Variants in PTCD1 observed in about 807,000 individuals in gnomAD.
PTCD1 encodes the protein pentatricopeptide repeat domain 1.
PTCD1 carries 50 observed loss-of-function variants against 53.4 expected under a neutral mutation model. The ratio of observed to expected loss-of-function variants is 0.94; its 90% CI spans 0.75 to 1.19. The LOEUF is 1.19. Among genes scored for constraint, PTCD1 ranks in the 50% most tolerant of loss-of-function variants. The pLI is 0.00. For missense variants in PTCD1, 918 were observed against 904.8 expected (o/e 1.01, Z -0.19); for synonymous variants, 413 against 394.8 (o/e 1.05, Z -0.55).
chr7:99,433,211 T>C (rs1165405006), intron 3 of PTCD1, 67 bp downstream of exon 3: 1 of 1,613,098 alleles, frequency 6.2e-7, no homozygotes, highest in African/African-American at 1.3e-5. Context: ...CACTAGCAAG[T>C]GGCACACTTG....
chr7:99,423,699 A>AAC (rs967027655), intron 7 of PTCD1, 76 bp downstream of exon 7: 11 of 1,608,480 alleles, frequency 6.8e-6, no homozygotes, highest in Non-Finnish European at 9.3e-6. Context: ...CAAGGGCCAG[A>AAC]ACCGGGGTTG....
rs766786857 is a variant in PTCD1 at position 99,433,291 on chromosome 7, T to A, written c.581A>T (p.Asn194Ile). The A allele has an allele frequency of 1.2e-5, 19 of 1,613,820 alleles. No individual in the cohort carries two copies. The highest frequency in any genetic ancestry group is 1.3e-5 in the African/African-American group (1 of 74,802). The change falls in exon 3 of 8, where the codon AAC becomes ATC. Residue 194 changes from asparagine (N) to isoleucine (I), a missense_variant. Coordinates refer to ENST00000292478, the MANE Select transcript of PTCD1 (RefSeq NM_015545.4). ...GCCCACATGCACCTGGTTGTAGAGG[T>A]TGAAGGCCTTCTTCAGGTAGCCAAC... is the stretch of plus-strand genomic sequence containing the variant. ...GRVGYLKKAF[N>I]LYNQMKKRDL...
chr7:99,427,468 C>T (rs1454962660), intron 5 of PTCD1, among the ~76,000 whole-genome samples: 6 of 146,186 alleles, frequency 4.1e-5, no homozygotes, highest in African/African-American at 5.1e-5. Flanking sequence ...CCGCCCCGTC[C>T]GGGAGGGAGG....
intron 1 of PTCD1, chr7:99,438,428 G>C: frequency 1.2e-6 from 1 of 814,484 alleles, no homozygotes; most frequent in Non-Finnish European, 1.5e-6. Flanking sequence ...TCGTACCCCT[G>C]TACTCCAGCC....
In PTCD1 at chr7:99,433,318, C is replaced by T. The variant is rs150185353; in HGVS notation, c.554G>A (p.Arg185Gln). 56 of 1,614,060 alleles carry T rather than the reference C, an allele frequency of 3.5e-5. No homozygotes were observed. In the South Asian group the frequency reaches 4.7e-4, roughly 14 times the overall value. Residue 185 changes from arginine (R) to glutamine (Q), a missense_variant, in exon 3 of 8, where the codon CGG (arginine) becomes CAG (glutamine). Transcript: ENST00000292478. The part of the protein sequence containing the change: ...NYTVLIGGCG[R>Q]VGYLKKAFNL... ...GAAGGCCTTCTTCAGGTAGCCAACC[C>T]GCCCGCAGCCCCCAATCAGCACCGT...
At chr7:99,421,302 C>G (rs1344382434) in intron 7 of PTCD1, among the ~76,000 whole-genome samples, 1 of 151,924 alleles carries the variant, frequency 6.6e-6, no homozygotes, top group Non-Finnish European at 1.5e-5. Flanking sequence ...GTGGTACATG[C>G]CTGTAGTCCC....
chr7:99,430,604 G>A (rs1006306030), intron 3 of PTCD1, among the ~76,000 whole-genome samples: 3 of 152,232 alleles, frequency 2.0e-5, no homozygotes, highest in African/African-American at 7.2e-5. Context: ...AGCAAAGAGG[G>A]CAGTCCCTAC....
At position 99,429,329 on chromosome 7, in the gene PTCD1, T is replaced by G. The variant is rs953698059; in HGVS notation, c.814-125A>C. 2.7e-5 allele frequency: 35 copies of G among 1,305,290 alleles called. No individual in the cohort carries two copies. In the Admixed American group the frequency reaches 5.1e-4, roughly 19 times the overall value. 80.9% of individuals were successfully genotyped at this position (1,305,290 alleles called of 1,614,324 possible). A position where few individuals can be genotyped will look rare whatever the true frequency, so the allele number is the denominator to read the frequency against. ...TGATCACTTGAGGCCAGGAGTTTTG[T>G]GACCAGCCTGGGCAACATAGCAAGA... On this transcript the variant is annotated intron_variant, in intron 4 of 7. Transcript: ENST00000292478.
intron 1 of PTCD1, among the ~76,000 whole-genome samples, chr7:99,437,374 G>A (rs974388153): frequency 1.3e-5 from 2 of 149,352 alleles, no homozygotes; most frequent in Admixed American, 1.3e-4. Flanking sequence ...GCGTGACCTC[G>A]GCTCACTGCA....
rs749678097 is a variant in PTCD1 at position 99,417,638 on chromosome 7, A to G, written c.*2329T>C. The G allele has an allele frequency of 1.2e-5, 19 of 1,604,072 alleles. No individual in the cohort carries two copies. Among genetic ancestry groups the G allele is most frequent in the African/African-American group, 1.3e-5 (1 of 74,894 alleles). The stretch of plus-strand genomic sequence containing the variant: ...AGCTTGGTGTTGTTTTCAGCTCAAA[A>G]TTCTGCCTTAGTCGACTGCAAGGGA... On this transcript the variant is annotated 3_prime_UTR_variant, in exon 8 of 8. Transcript: ENST00000292478.
intron 7 of PTCD1, among the ~76,000 whole-genome samples, 164 bp from the exon 8 acceptor site, chr7:99,420,313 G>A (rs1461481875): frequency 3.9e-5 from 6 of 152,198 alleles, no homozygotes; most frequent in Admixed American, 3.3e-4. Context: ...TATGGGACTA[G>A]CTTACTTCAG....
rs779165391 is a variant in PTCD1, at chr7:99,434,871, C to T, written c.372G>A (p.Pro124=). 27 of 1,614,054 alleles carry T rather than the reference C, an allele frequency of 1.7e-5. No individual in the cohort carries two copies. The highest frequency in any genetic ancestry group is 4.0e-5 in the African/African-American group (3 of 74,900). The change falls in exon 2 of 8, where the codon CCG becomes CCA. Residue 124 remains proline, a synonymous_variant. Transcript: ENST00000292478. ...TCCGGCCTCGCCATAATTTGGGCTCCGGTTCCATTTGCTCATCTCTCCGTT... is the reference window on the plus strand; with the variant it reads ...TCCGGCCTCGCCATAATTTGGGCTCTGGTTCCATTTGCTCATCTCTCCGTT... The part of the protein sequence containing the change: ...FGERRDEQME[P]EPKLWRGRRN...
In PTCD1 at chr7:99,418,048, A is replaced by C. The variant is rs565968785; in HGVS notation, c.*1919T>G. On this transcript the variant is annotated 3_prime_UTR_variant, in exon 8 of 8. Coordinates refer to ENST00000292478, the MANE Select transcript of PTCD1 (RefSeq NM_015545.4). The stretch of plus-strand genomic sequence containing the variant: ...AGTGATGCCATCTTGGCTCACTGCA[A>C]CCTCCACCTCCCGGGTTCAAGCGGT... The C allele has an allele frequency of 4.4e-5, 46 of 1,035,812 alleles. No individual in the cohort carries two copies. Among genetic ancestry groups the C allele is most frequent in the Non-Finnish European group, 5.4e-5 (45 of 840,118 alleles). 64.2% of individuals were successfully genotyped at this position (1,035,812 alleles called of 1,614,324 possible). A position where few individuals can be genotyped will look rare whatever the true frequency, so the allele number is the denominator to read the frequency against.
chr7:99,437,994 T>G (rs1420906360), intron 1 of PTCD1, among the ~76,000 whole-genome samples: 1 of 152,064 alleles, frequency 6.6e-6, no homozygotes, highest in Non-Finnish European at 1.5e-5. Context: ...GAACTATCAT[T>G]TACACTCACC....
chr7:99,428,828 A>T (rs1015012428), intron 5 of PTCD1, among the ~76,000 whole-genome samples: 1 of 134,848 alleles, frequency 7.4e-6, no homozygotes, highest in African/African-American at 2.8e-5. Flanking sequence ...TCCCCAGGTG[A>T]GTGTGTGGCA....
intron 5 of PTCD1, among the ~76,000 whole-genome samples, chr7:99,428,309 G>A (rs1206956051): frequency 1.0e-4 from 15 of 150,150 alleles, no homozygotes; most frequent in African/African-American, 2.5e-4. Context: ...AGGCTGAGAC[G>A]GGAGAATGGT....
chr7:99,429,869 G>GC, intron 3 of PTCD1, 63 bp from the exon 4 acceptor site: 4 of 1,597,988 alleles, frequency 2.5e-6, no homozygotes, highest in Non-Finnish European at 2.6e-6. Context: ...GTGAGCAGCT[G>GC]CCCCAGAGGA....
Position 99,435,006 on chromosome 7 carries a change from C to G in PTCD1, c.237G>C (p.Gln79His), listed in dbSNP as rs1013339834. 2 of 1,614,160 alleles carry G rather than the reference C, an allele frequency of 1.2e-6. No individual in the cohort carries two copies. Among genetic ancestry groups the G allele is most frequent in the Non-Finnish European group, 1.7e-6 (2 of 1,180,010 alleles). ...DPSHSNSTAT[Q>H]EEDEEEEESF... ...TCTCCTCCTCCTCCTCGTCTTCTTC[C>G]TGCGTGGCCGTGGAGTTGGAGTGGC... The change falls in exon 2 of 8, where the codon CAG becomes CAC. Residue 79 changes from glutamine (Q) to histidine (H), a missense_variant. Gln to His is a conservative substitution (Grantham distance 24). Coordinates refer to ENST00000292478, the MANE Select transcript of PTCD1 (RefSeq NM_015545.4).
chr7:99,430,367 G>A (rs906739832), intron 3 of PTCD1, among the ~76,000 whole-genome samples: 1 of 152,224 alleles, frequency 6.6e-6, no homozygotes, highest in Admixed American at 6.5e-5. Flanking sequence ...GCCTCCAGGG[G>A]ACTAAGGCAT....
Sources: gnomAD v4.1 joint callset for allele counts (sites outside exome capture counted in the v4.1 genomes callset) on GRCh38, gnomAD v4.1.1 for gene constraint, MANE v1.5 for transcripts, NCBI Gene and HGNC (gene_info 2026-07-23, HGNC 2026-07-21) for gene names.